The following CCDC88C variants were observed in gnomAD, a reference collection of about 807,000 sequenced individuals.
The protein encoded by CCDC88C is protein Daple.
A neutral mutation model predicts 198.8 loss-of-function variants in CCDC88C; 131 were observed. The observed-to-expected ratio is 0.66, with a 90% CI of 0.57 to 0.76. CCDC88C has a LOEUF of 0.76. Among genes scored for constraint, CCDC88C ranks in the 30% least tolerant of loss-of-function variants. CCDC88C has a pLI of 0.00. For synonymous variants in CCDC88C, 1,166 were observed against 1,114.7 expected (o/e 1.05, Z -0.92); for missense variants, 2,553 against 2,631.6 (o/e 0.97, Z 0.65).
chr14:91,299,536 C>T (rs563657182), intron 21 of CCDC88C, among the ~76,000 whole-genome samples: 3 of 152,170 alleles, frequency 2.0e-5, no homozygotes, highest in South Asian at 4.1e-4. Flanking sequence ...GGTCTTGGGG[C>T]GGCAAATAAA....
At chr14:91,392,588 C>A (rs778139559) in intron 3 of CCDC88C, among the ~76,000 whole-genome samples, 2 of 152,172 alleles carry the variant, frequency 1.3e-5, no homozygotes, top group East Asian at 3.8e-4. Flanking sequence ...CCGATAATAA[C>A]CCAGGGTTTC....
At chr14:91,285,887 C>G (rs1890385671) in intron 25 of CCDC88C, 1 of 1,043,270 alleles carries the variant, frequency 9.6e-7, no homozygotes, top group Non-Finnish European at 1.3e-6. Flanking sequence ...AAAGAAAACA[C>G]AAATAAATGA....
Position 91,325,844 on chromosome 14 carries a change from C to T in CCDC88C, c.1197+66G>A, listed in dbSNP as rs1315597667. On this transcript the variant is annotated intron_variant, in intron 11 of 29. Transcript: ENST00000389857. This position sits in a 1 kb window ranked among gnomAD's most constrained non-coding sequence, Gnocchi z 4.1. ...TTAGCCTCCCAAAGTGCTGGGATTA[C>T]AGGCATGAGCCACTGTGCCCGAGCC... 2 of 1,479,544 alleles carry T rather than the reference C, an allele frequency of 1.4e-6. No individual in the cohort carries two copies. Among genetic ancestry groups the T allele is most frequent in the East Asian group, 2.5e-5 (1 of 40,056 alleles). 91.7% of individuals were successfully genotyped at this position (1,479,544 alleles called of 1,614,324 possible).
rs2139953364 is a variant in CCDC88C, at chr14:91,381,661, C to T, written c.271-21950G>A. Among the ~76,000 whole-genome samples, 1 of 152,170 alleles carries T rather than the reference C, an allele frequency of 6.6e-6. No homozygotes were observed. Among genetic ancestry groups the T allele is most frequent in the African/African-American group, 2.4e-5 (1 of 41,514 alleles). On this transcript the variant is annotated intron_variant, in intron 3 of 29. Coordinates refer to ENST00000389857, the MANE Select transcript of CCDC88C (RefSeq NM_001080414.4). This position sits in a 1 kb window ranked among gnomAD's most constrained non-coding sequence, Gnocchi z 4.2. ...CACCCTGGCCAACTTGGTGAAACCC[C>T]GTCTCTACTAAAAATACAAACAATT...
At chr14:91,310,403 C>G (rs931542357) in intron 15 of CCDC88C, among the ~76,000 whole-genome samples, 14 of 152,022 alleles carry the variant, frequency 9.2e-5, no homozygotes, top group African/African-American at 3.1e-4. Flanking sequence ...ATTTTAAACC[C>G]TGGATCTGGT....
chr14:91,317,303 G>C (rs550832372), intron 13 of CCDC88C, among the ~76,000 whole-genome samples: 3 of 152,346 alleles, frequency 2.0e-5, no homozygotes, highest in African/African-American at 7.2e-5. Flanking sequence ...TTCGGGGTGA[G>C]ATGAAGAGCC....
intron 4 of CCDC88C, among the ~76,000 whole-genome samples, chr14:91,345,166 TTATATATA>T (rs758438547): frequency 9.9e-6 from 1 of 100,546 alleles, no homozygotes; most frequent in African/African-American, 4.1e-5. Flanking sequence ...GAGGTTCAAT[TTATATATA>T]TATATATATA....
chr14:91,293,372 TCCTG>T (rs1353237117), intron 23 of CCDC88C, among the ~76,000 whole-genome samples: 3,027 of 52,186 alleles, frequency 0.058, 148 homozygotes, highest in Non-Finnish European at 0.06. Flanking sequence ...CGGCCCACCT[TCCTG>T]CCCCCTCGCC....
rs943498144 is a variant in CCDC88C at position 91,286,908 on chromosome 14, C to T, written c.4441+2197G>A. Among the ~76,000 whole-genome samples the T allele has an allele frequency of 2.0e-5, 3 of 152,334 alleles. No homozygotes were observed. The East Asian group carries it at 5.8e-4, about 29-fold the overall frequency. ...ACACAGGGGAGGCCACGTCCACCTG[C>T]CTTGATAGGGTCGTTAGGATTCAAT... is the stretch of plus-strand genomic sequence containing the variant. On this transcript the variant is annotated intron_variant, in intron 25 of 29. Transcript: ENST00000389857.
intron 26 of CCDC88C, among the ~76,000 whole-genome samples, 162 bp downstream of exon 26, chr14:91,283,167 C>T (rs1890268585): frequency 6.6e-6 from 1 of 152,222 alleles, no homozygotes; most frequent in Non-Finnish European, 1.5e-5. Flanking sequence ...CTGGTAAGCA[C>T]AGCTGCATCT....
chr14:91,405,664 T>C (rs772512624), intron 3 of CCDC88C, among the ~76,000 whole-genome samples: 3 of 152,236 alleles, frequency 2.0e-5, no homozygotes, highest in Non-Finnish European at 2.9e-5. Context: ...CGATTGTCTC[T>C]GGGTGCTGGG....
At chr14:91,360,157 C>T (rs1292832262) in intron 3 of CCDC88C, among the ~76,000 whole-genome samples, 2 of 151,832 alleles carry the variant, frequency 1.3e-5, no homozygotes, top group Non-Finnish European at 2.9e-5. Flanking sequence ...GTGGTTAATG[C>T]CTGTAGTCTC....
At position 91,273,098 on chromosome 14, in the gene CCDC88C, G is replaced by A; in HGVS notation, c.5614C>T (p.Gln1872Ter). The A allele has an allele frequency of 6.4e-7, 1 of 1,564,952 alleles. No homozygotes were observed. Among genetic ancestry groups the A allele is most frequent in the Non-Finnish European group, 8.7e-7 (1 of 1,154,818 alleles). Residue 1872 changes from glutamine to a stop codon, truncating the protein, a stop_gained, in exon 30 of 30, where the codon CAG becomes TAG. Coordinates refer to ENST00000389857, the MANE Select transcript of CCDC88C (RefSeq NM_001080414.4). LOFTEE classifies it low-confidence loss of function (END_TRUNC). The surrounding 1 kb of genome is among the most constrained non-coding windows in gnomAD (Gnocchi z 5.6). ...GGCCGGCTGCGGGGACCTGGGCCCT[G>A]ACAGGAGCTGCCAGCCTTTCCCACA... ...PLVGKAGSSC[Q>*]GPGPRSRPLD...
chr14:91,278,706 A>G (rs1473852930), intron 28 of CCDC88C, among the ~76,000 whole-genome samples: 5 of 152,062 alleles, frequency 3.3e-5, no homozygotes, highest in Non-Finnish European at 5.9e-5. Flanking sequence ...GACCTGTGAC[A>G]TGCCTGCATT....
At chr14:91,357,643 C>A (rs1894099446) in intron 4 of CCDC88C, among the ~76,000 whole-genome samples, 1 of 152,228 alleles carries the variant, frequency 6.6e-6, no homozygotes, top group African/African-American at 2.4e-5. Flanking sequence ...CTACCGCCAA[C>A]CTCTACAGGC....
intron 10 of CCDC88C, among the ~76,000 whole-genome samples, chr14:91,329,020 C>A (rs983171860): frequency 1.3e-5 from 2 of 152,176 alleles, no homozygotes; most frequent in Admixed American, 1.3e-4. Flanking sequence ...AGGAGGCTGG[C>A]CCAGGGCATC....
intron 17 of CCDC88C, 93 bp downstream of exon 17, chr14:91,308,258 T>C: frequency 6.8e-7 from 1 of 1,460,712 alleles, no homozygotes. Context: ...AAAATGGGTA[T>C]CCAGGCCACC....
chr14:91,376,237 C>T (rs574231263), intron 3 of CCDC88C, among the ~76,000 whole-genome samples: 1 of 152,180 alleles, frequency 6.6e-6, no homozygotes, highest in East Asian at 1.9e-4. Context: ...TGCTCGTCGC[C>T]GGGCATATGC....
Position 91,313,451 on chromosome 14 carries a change from G to A in CCDC88C, c.2365C>T (p.Leu789=), listed in dbSNP as rs200079946. 2.4e-5 allele frequency: 38 copies of A among 1,607,492 alleles called. No individual in the cohort carries two copies. The Admixed American group carries it at 6.3e-4, about 27-fold the overall frequency. Residue 789 remains leucine, a synonymous_variant, in exon 15 of 30, where the codon CTG becomes TTG. Transcript: ENST00000389857. This position sits in a 1 kb window ranked among gnomAD's most constrained non-coding sequence, Gnocchi z 5.2. ...TGGCGCTCAGCCTCCAGCTCGCCCAGCTCACTCTCCAAGGTCTGCGTCTTG... is the reference window on the plus strand; with the variant it reads ...TGGCGCTCAGCCTCCAGCTCGCCCAACTCACTCTCCAAGGTCTGCGTCTTG... ...SHKTQTLESE[L]GELEAERQAL...
Sources: allele counts gnomAD v4.1 joint callset (sites outside exome capture counted in the v4.1 genomes callset), GRCh38; gene constraint gnomAD v4.1.1; non-coding constraint Gnocchi (gnomAD v3.1); transcripts MANE v1.5; gene names NCBI Gene and HGNC (gene_info 2026-07-23, HGNC 2026-07-21).